The following KIAA0232 variants were observed in gnomAD, a reference collection of about 807,000 sequenced individuals.
KIAA0232 encodes the protein KIAA0232.
KIAA0232 carries 27 observed loss-of-function variants against 122.0 expected under a neutral mutation model. The observed-to-expected ratio is 0.22, with a 90% CI of 0.16 to 0.31. The LOEUF is 0.31. KIAA0232 is among the 10% of genes least tolerant of loss of function. The pLI, the probability that KIAA0232 is intolerant of heterozygous loss-of-function variation, is 1.00. For synonymous variants in KIAA0232, 613 were observed against 587.6 expected, an observed-to-expected ratio of 1.04 and a Z score of -0.63; for missense variants, 1,551 against 1,634.2, an observed-to-expected ratio of 0.95 and a Z score of 0.88.
In KIAA0232 at chr4:6,883,325, T is replaced by C. The variant is rs1722172306; in HGVS notation, c.*2359T>C. ...ACCAGAGTAACTGATTTTTTTTTGT[T>C]TGTTTTCTTGTGGAGTTAACACCAA... On this transcript the variant is annotated 3_prime_UTR_variant, in exon 10 of 10. Transcript: ENST00000307659. 1 of 152,656 alleles carries C rather than the reference T, an allele frequency of 6.6e-6. No homozygotes were observed. The highest frequency in any genetic ancestry group is 6.5e-5 in the Admixed American group (1 of 15,288). 9.5% of individuals were successfully genotyped at this position (152,656 alleles called of 1,614,324 possible). A position where few individuals can be genotyped will look rare whatever the true frequency, so the allele number is the denominator to read the frequency against.
chr4:6,820,331 G>A (rs1718363164), intron 2 of KIAA0232, among the ~76,000 whole-genome samples: 1 of 152,196 alleles, frequency 6.6e-6, no homozygotes. Context: ...AAGCTGGCAT[G>A]TTTAGGCTAC....
In KIAA0232 at chr4:6,800,043, C is replaced by CTTTTTTTTTTTTTTTTTTTTT. The variant is rs752428517; in HGVS notation, c.-353-4468_-353-4448dup. 1.4e-3 allele frequency among the ~76,000 whole-genome samples: 82 copies of CTTTTTTTTTTTTTTTTTTTTT among 60,064 alleles called. 12 individuals carry two copies. Among genetic ancestry groups the CTTTTTTTTTTTTTTTTTTTTT allele is most frequent in the Non-Finnish European group, 1.9e-3 (53 of 28,090 alleles). 39.4% of individuals were successfully genotyped at this position (60,064 alleles called of 152,430 possible). A position where few individuals can be genotyped will look rare whatever the true frequency, so the allele number is the denominator to read the frequency against. On this transcript the variant is annotated intron_variant, in intron 1 of 9. Coordinates refer to ENST00000307659, the MANE Select transcript of KIAA0232 (RefSeq NM_014743.3). The stretch of plus-strand genomic sequence containing the variant: ...TTTCTTTTTCTTTCTTTCTTTCTTT[C>CTTTTTTTTTTTTTTTTTTTTT]TTTTTTTTTTTTTTTTTTTTTTTTT...
At position 6,871,774 on chromosome 4, in the gene KIAA0232, A is replaced by G. The variant is rs139116678; in HGVS notation, c.3910+92A>G. The G allele has an allele frequency of 3.4e-5, 27 of 790,390 alleles. No homozygotes were observed. The Admixed American group carries it at 5.9e-4, about 17-fold the overall frequency. 49.0% of individuals were successfully genotyped at this position (790,390 alleles called of 1,614,324 possible). A position where few individuals can be genotyped will look rare whatever the true frequency, so the allele number is the denominator to read the frequency against. ...TTTTCTATGAATATCAGTCCAAGAA[A>G]CATTTACCAAGAGGTTTCTGTGTGG... On this transcript the variant is annotated intron_variant, in intron 8 of 9. Coordinates refer to ENST00000307659, the MANE Select transcript of KIAA0232 (RefSeq NM_014743.3).
chr4:6,836,338 T>G (rs531611910), intron 3 of KIAA0232, among the ~76,000 whole-genome samples: 108 of 149,090 alleles, frequency 7.2e-4, no homozygotes, highest in African/African-American at 2.5e-3. Flanking sequence ...TTTGTTTTGT[T>G]TTTTTTTTTT....
intron 3 of KIAA0232, among the ~76,000 whole-genome samples, chr4:6,839,940 G>A (rs1390491013): frequency 6.6e-6 from 1 of 152,172 alleles, no homozygotes; most frequent in Admixed American, 6.5e-5. Flanking sequence ...GGCAAATAGG[G>A]GTTATTTTGA....
chr4:6,878,026 AC>A, intron 9 of KIAA0232, among the ~76,000 whole-genome samples: 1 of 152,184 alleles, frequency 6.6e-6, no homozygotes, highest in Non-Finnish European at 1.5e-5. Context: ...CCAATCCCAA[AC>A]CCAAGTACTA....
chr4:6,862,952 A>G lies in KIAA0232; in HGVS notation c.2570A>G (p.Asn857Ser), dbSNP rs200778240. Residue 857 changes from asparagine (N) to serine (S), a missense_variant, in exon 7 of 10, where the codon AAC (asparagine) becomes AGC (serine). Physicochemically the swap from Asn to Ser is conservative, Grantham distance 46 (BLOSUM62 1). Transcript: ENST00000307659. ...GAGTTGTTTTCGGCAGATGTAAATAACTACTGCTGCTGTCTAGATGCTGAA... is the reference window on the plus strand; with the variant it reads ...GAGTTGTTTTCGGCAGATGTAAATAGCTACTGCTGCTGTCTAGATGCTGAA... ...DAELFSADVN[N>S]YCCCLDAEAE... is the part of the protein sequence containing the mutation. The G allele has an allele frequency of 5.0e-6, 8 of 1,614,236 alleles. No individual in the cohort carries two copies. Among genetic ancestry groups the G allele is most frequent in the Non-Finnish European group, 6.8e-6 (8 of 1,180,030 alleles).
At position 6,883,560 on chromosome 4, in the gene KIAA0232, C is replaced by G. The variant is rs937671285; in HGVS notation, c.*2594C>G. ...CTAGGGAAGAAAGTGGTGTGGCCTG[C>G]TGAGAAATCAGCGGCTCCTCCCCAT... On this transcript the variant is annotated 3_prime_UTR_variant, in exon 10 of 10. Coordinates refer to ENST00000307659, the MANE Select transcript of KIAA0232 (RefSeq NM_014743.3). The G allele has an allele frequency of 1.3e-5, 2 of 152,188 alleles. No homozygotes were observed. Among genetic ancestry groups the G allele is most frequent in the Non-Finnish European group, 1.5e-5 (1 of 68,022 alleles). 9.4% of individuals were successfully genotyped at this position (152,188 alleles called of 1,614,324 possible). A position where few individuals can be genotyped will look rare whatever the true frequency, so the allele number is the denominator to read the frequency against.
At position 6,822,867 on chromosome 4, in the gene KIAA0232, C is replaced by T. The variant is rs1335367145; in HGVS notation, c.-269-1318C>T. 1.5e-4 allele frequency among the ~76,000 whole-genome samples: 23 copies of T among 149,056 alleles called. 1 individual carries two copies. The highest frequency in any genetic ancestry group is 4.2e-4 in the South Asian group (2 of 4,706). ...TATGTATACATGTGCCATGCTGGTG[C>T]GCTGCACCCACTAACTCGTCATCTA... is the stretch of plus-strand genomic sequence containing the variant. On this transcript the variant is annotated intron_variant, in intron 2 of 9. Transcript: ENST00000307659.
intron 1 of KIAA0232, among the ~76,000 whole-genome samples, chr4:6,798,778 C>T (rs575535492): frequency 1.3e-5 from 2 of 152,290 alleles, no homozygotes; most frequent in Admixed American, 1.3e-4. Flanking sequence ...TCTCAAACCC[C>T]TGGGCTCAAG....
intron 2 of KIAA0232, among the ~76,000 whole-genome samples, chr4:6,817,495 G>A (rs1445804725): frequency 2.6e-5 from 4 of 152,170 alleles, no homozygotes; most frequent in African/African-American, 7.2e-5. Flanking sequence ...GATTACAGGC[G>A]TGAGCCACTG....
intron 2 of KIAA0232, among the ~76,000 whole-genome samples, chr4:6,813,600 G>A (rs970437032): frequency 2.0e-5 from 3 of 152,028 alleles, no homozygotes; most frequent in African/African-American, 7.2e-5. Flanking sequence ...CTGACCTTGT[G>A]ATCCGCCCGC....
intron 2 of KIAA0232, among the ~76,000 whole-genome samples, chr4:6,809,753 A>G (rs1050051980): frequency 6.6e-6 from 1 of 152,188 alleles, no homozygotes; most frequent in Non-Finnish European, 1.5e-5. Context: ...CAAAATCGGC[A>G]TACAAAAATC....
rs377412150 is a variant in KIAA0232 at position 6,842,188 on chromosome 4, G to A, written c.353G>A (p.Arg118Gln). 2 of 1,601,046 alleles carry A rather than the reference G, an allele frequency of 1.2e-6. No homozygotes were observed. Among genetic ancestry groups the A allele is most frequent in the Non-Finnish European group, 1.7e-6 (2 of 1,175,692 alleles). ...MKKQAAVQCL[R>Q]SASDESSGIE... ...AAACAGGCTGCTGTCCAGTGTCTTC[G>A]ATCTGCTTCTGATGAAGTAAGTTTA... Residue 118 changes from arginine (R) to glutamine (Q), a missense_variant, in exon 4 of 10, where the codon CGA (arginine) becomes CAA (glutamine). Physicochemically the swap from Arg to Gln is conservative, Grantham distance 43. Around this residue, in one of 5 missense-constraint regions of KIAA0232, gnomAD observed 377 missense variants for 381.7 expected, o/e 0.99. Transcript: ENST00000307659.
intron 3 of KIAA0232, among the ~76,000 whole-genome samples, chr4:6,836,528 C>CTTTTTTTTTTTTTTTTTTTTT (rs1323217192): frequency 1.0e-5 from 1 of 95,702 alleles, no homozygotes. Context: ...TGTCCTTTTT[C>CTTTTTTTTTTTTTTTTTTTTT]TTTTTTTTTT....
At chr4:6,823,935 G>A (rs932706825) in intron 2 of KIAA0232, among the ~76,000 whole-genome samples, 6 of 152,018 alleles carry the variant, frequency 3.9e-5, no homozygotes, top group African/African-American at 1.5e-4. Flanking sequence ...GGACAGCCTC[G>A]AACTCCTGGG....
intron 3 of KIAA0232, among the ~76,000 whole-genome samples, chr4:6,835,253 C>A (rs1719200432): frequency 6.6e-6 from 1 of 152,060 alleles, no homozygotes; most frequent in Non-Finnish European, 1.5e-5. Context: ...AGCTTAAGGC[C>A]TTTTACCACC....
At chr4:6,811,204 A>G (rs1232921736) in intron 2 of KIAA0232, among the ~76,000 whole-genome samples, 1 of 152,188 alleles carries the variant, frequency 6.6e-6, no homozygotes, top group African/African-American at 2.4e-5. Flanking sequence ...TGTAGAATCA[A>G]CCTGAGTGTC....
At chr4:6,826,183 A>T (rs560831341) in intron 3 of KIAA0232, among the ~76,000 whole-genome samples, 1 of 152,190 alleles carries the variant, frequency 6.6e-6, no homozygotes. Flanking sequence ...CATCATGTCT[A>T]GCTGGACACA....
Sources: allele counts gnomAD v4.1 joint callset (sites outside exome capture counted in the v4.1 genomes callset), GRCh38; gene constraint gnomAD v4.1.1; regional missense constraint gnomAD v4.1.1; transcripts MANE v1.5; gene names NCBI Gene and HGNC (gene_info 2026-07-23, HGNC 2026-07-21).